CDON: variants seen among roughly 807,000 people sequenced by gnomAD.
The protein encoded by CDON is cell adhesion associated, oncogene regulated, also known as cell adhesion molecule-related/down-regulated by oncogenes.
Under a neutral mutation model 120.9 loss-of-function variants are expected in CDON, and 73 were observed. The observed-to-expected ratio is 0.60, with a 90% CI of 0.50 to 0.73. The LOEUF is 0.73. CDON is among the 30% of genes least tolerant of loss of function. The pLI, the probability that CDON is intolerant of heterozygous loss-of-function variation, is 0.00. For synonymous variants in CDON, 566 were observed against 573.5 expected, an observed-to-expected ratio of 0.99 and a Z score of 0.19; for missense variants, 1,470 against 1,587.3, an observed-to-expected ratio of 0.93 and a Z score of 1.26.
chr11:126,025,140 G>C (rs1323061754), intron 1 of CDON, among the ~76,000 whole-genome samples: 3 of 152,124 alleles, frequency 2.0e-5, no homozygotes, highest in Non-Finnish European at 4.4e-5. Flanking sequence ...GGAAGGTGGA[G>C]GTTGCAGTGA....
chr11:125,987,551 T>G (rs1946504891), intron 15 of CDON, among the ~76,000 whole-genome samples: 4 of 152,210 alleles, frequency 2.6e-5, no homozygotes, highest in Admixed American at 2.6e-4. Context: ...TTCAAAGATG[T>G]TTTTTGTTTT....
intron 9 of CDON, among the ~76,000 whole-genome samples, chr11:126,004,619 C>T (rs1161420705): frequency 2.0e-5 from 3 of 152,008 alleles, no homozygotes; most frequent in Middle Eastern, 3.4e-3. Flanking sequence ...TTAATGGAAC[C>T]AAGAAACAAT....
chr11:125,981,401 C>G, intron 16 of CDON, 72 bp from the exon 17 acceptor site: 2 of 1,458,908 alleles, frequency 1.4e-6, no homozygotes, highest in Non-Finnish European at 1.9e-6. Context: ...TACGCACACA[C>G]GCATGCACAC....
chr11:125,980,906 A>C (rs1163207900), intron 17 of CDON, 143 bp downstream of exon 17: 7 of 761,810 alleles, frequency 9.2e-6, no homozygotes, highest in African/African-American at 8.7e-5. Flanking sequence ...TCTGGATCAA[A>C]GGGCTGCCAG....
rs751124138 is a variant in CDON at position 126,017,294 on chromosome 11, AAGGTTAC to A, written c.715_721del (p.Val239TrpfsTer5). On this transcript the variant is annotated frameshift_variant, in exon 6 of 20. Transcript: ENST00000531738. LOFTEE classifies it high-confidence loss of function. ...CGGGACCCCACTCACCACACACTCC[AAGGTTAC>A]AGGGCTACGAGAAAGAACAGCTAAT... The A allele has an allele frequency of 1.1e-5, 18 of 1,613,992 alleles. No homozygotes were observed. The highest frequency in any genetic ancestry group is 1.4e-5 in the Non-Finnish European group (17 of 1,180,016).
Position 125,961,962 on chromosome 11 carries a change from G to C in CDON, c.3393C>G (p.Ser1131Arg). 1 of 1,614,232 alleles carries C rather than the reference G, an allele frequency of 6.2e-7. No homozygotes were observed. Among genetic ancestry groups the C allele is most frequent in the Admixed American group, 1.7e-5 (1 of 60,030 alleles). The change falls in exon 19 of 20, where the codon AGC becomes AGG. Residue 1131 changes from serine to arginine, a missense_variant. Physicochemically the swap from Ser to Arg is moderately radical, Grantham distance 110. Coordinates refer to ENST00000531738, the MANE Select transcript of CDON (RefSeq NM_001378964.1). ...FTKTNSTFSS[S>R]PPPVVPVVAP... ...CTACCACAGGGACCACAGGAGGAGG[G>C]CTGCTGCTGAAAGTGCTGTTGGTTT...
rs761535678 is a variant in CDON, at chr11:126,004,006, T to C, written c.1922A>G (p.His641Arg). 9.9e-6 allele frequency: 16 copies of C among 1,613,928 alleles called. No homozygotes were observed. The highest frequency in any genetic ancestry group is 1.3e-5 in the African/African-American group (1 of 74,896). Residue 641 changes from histidine (H) to arginine (R), a missense_variant, in exon 10 of 20, where the codon CAT becomes CGT. Coordinates refer to ENST00000531738, the MANE Select transcript of CDON (RefSeq NM_001378964.1). The part of the protein sequence containing the change: ...VRVPGSENEL[H>R]LAELEPSSLY... ...ACTAGATGGCTCCAGCTCAGCTAAA[T>C]GGAGCTCATTTTCACTTCCTGGGAC...
At chr11:126,011,914 G>A (rs1163908068) in intron 7 of CDON, among the ~76,000 whole-genome samples, 1 of 152,174 alleles carries the variant, frequency 6.6e-6, no homozygotes, top group African/African-American at 2.4e-5. Context: ...CCTCCATGCT[G>A]ATAACAATTA....
chr11:125,989,377 A>T (rs994753558), intron 15 of CDON, among the ~76,000 whole-genome samples: 19 of 152,158 alleles, frequency 1.2e-4, no homozygotes, highest in African/African-American at 4.6e-4. Flanking sequence ...CTCTACTAAA[A>T]TTACAAAAAT....
chr11:126,050,104 T>C (rs901357680), intron 1 of CDON, among the ~76,000 whole-genome samples: 1 of 151,558 alleles, frequency 6.6e-6, no homozygotes, highest in Non-Finnish European at 1.5e-5. Context: ...TTTAAAAATA[T>C]AAGATACCAG....
rs911134131 is a variant in CDON at position 126,062,584 on chromosome 11, C to G, written c.-67G>C. On this transcript the variant is annotated 5_prime_UTR_variant, in exon 1 of 20. Transcript: ENST00000531738. ...CGGGACCCCCACCCCCGCACCTCTC[C>G]GCGGGGCTGGCTAAGCCTCCAGACC... The G allele has an allele frequency of 1.3e-5, 2 of 152,212 alleles. No homozygotes were observed. Among genetic ancestry groups the G allele is most frequent in the African/African-American group, 4.8e-5 (2 of 41,416 alleles). 9.4% of individuals were successfully genotyped at this position (152,212 alleles called of 1,614,324 possible).
chr11:126,057,666 A>C (rs1948711914), intron 1 of CDON, among the ~76,000 whole-genome samples: 1 of 152,250 alleles, frequency 6.6e-6, no homozygotes, highest in South Asian at 2.1e-4. Context: ...CTGTTCACTT[A>C]GTATACATTA....
chr11:126,005,688 G>C, intron 9 of CDON, 71 bp downstream of exon 9: 1 of 1,399,246 alleles, frequency 7.1e-7, no homozygotes, highest in South Asian at 1.2e-5. Context: ...CAAATGAAAA[G>C]GCAACAGTAT....
At chr11:125,982,596 T>A (rs898998372) in intron 16 of CDON, among the ~76,000 whole-genome samples, 1 of 152,150 alleles carries the variant, frequency 6.6e-6, no homozygotes, top group Non-Finnish European at 1.5e-5. Context: ...TTATTTACCA[T>A]TACATCTCCA....
At chr11:125,977,685 A>G (rs1016794338) in intron 18 of CDON, among the ~76,000 whole-genome samples, 2 of 152,222 alleles carry the variant, frequency 1.3e-5, no homozygotes, top group African/African-American at 4.8e-5. Flanking sequence ...GTCGTAGGAA[A>G]GTGTGCCGAG....
At chr11:125,977,530 T>C (rs1219490496) in intron 18 of CDON, among the ~76,000 whole-genome samples, 1 of 152,146 alleles carries the variant, frequency 6.6e-6, no homozygotes, top group African/African-American at 2.4e-5. Flanking sequence ...ATCTTTTTGG[T>C]TGTAGAGTTT....
chr11:126,047,144 T>TA (rs1948425519), intron 1 of CDON, among the ~76,000 whole-genome samples: 1 of 152,316 alleles, frequency 6.6e-6, no homozygotes, highest in African/African-American at 2.4e-5. Context: ...CCTAGCCTAG[T>TA]AAAGCTAGGT....
At chr11:126,031,834 G>A (rs1159497121) in intron 1 of CDON, among the ~76,000 whole-genome samples, 3 of 152,242 alleles carry the variant, frequency 2.0e-5, no homozygotes, top group Admixed American at 6.5e-5. Flanking sequence ...TACACCACCC[G>A]TGAAGGAATT....
Position 125,960,930 on chromosome 11 carries a change from G to C in CDON, c.*12C>G, listed in dbSNP as rs200595011. 1.9e-6 allele frequency: 3 copies of C among 1,613,762 alleles called. No individual in the cohort carries two copies. The Admixed American group carries it at 5.0e-5, about 27-fold the overall frequency. On this transcript the variant is annotated 3_prime_UTR_variant, in exon 20 of 20. Transcript: ENST00000531738. ...GCTTGAAGTTGGAACATGACTGGTT[G>C]TTTGCATGTCCTCAGGTTTCCCGGG... is the stretch of plus-strand genomic sequence containing the variant.
Sources: allele counts gnomAD v4.1 joint callset (sites outside exome capture counted in the v4.1 genomes callset), GRCh38; gene constraint gnomAD v4.1.1; transcripts MANE v1.5; gene names NCBI Gene and HGNC (gene_info 2026-07-23, HGNC 2026-07-21).